PTPN3: variants seen among roughly 807,000 people sequenced by gnomAD.
PTPN3 encodes tyrosine-protein phosphatase non-receptor type 3.
Under a neutral mutation model 132.7 loss-of-function variants are expected in PTPN3, and 96 were observed. The ratio of observed to expected loss-of-function variants is 0.72; its 90% CI spans 0.61 to 0.86. The LOEUF (loss-of-function observed/expected upper bound fraction) is 0.86, where lower values mean the gene tolerates loss of function less well. Ranked by LOEUF, PTPN3 falls within the 40% of genes least tolerant of loss-of-function variation. The pLI, the probability that PTPN3 is intolerant of heterozygous loss-of-function variation, is 0.00. For missense variants in PTPN3, 1,125 were observed against 1,159.6 expected (o/e 0.97, Z 0.43); for synonymous variants, 398 against 429.0 (o/e 0.93, Z 0.89).
intron 1 of PTPN3, among the ~76,000 whole-genome samples, chr9:109,469,766 C>T (rs1285092592): frequency 6.6e-6 from 1 of 152,166 alleles, no homozygotes; most frequent in East Asian, 1.9e-4. Flanking sequence ...TGTAAGTAAC[C>T]TGTATAAATG....
chr9:109,439,266 T>C (rs1173365675), intron 7 of PTPN3, among the ~76,000 whole-genome samples: 1 of 152,040 alleles, frequency 6.6e-6, no homozygotes, highest in Non-Finnish European at 1.5e-5. Flanking sequence ...AGTTTTCCCA[T>C]TTGTCTAAAA....
chr9:109,532,944 GTTTTTTTTTTTTTTTTTT>G, the PTPN3 span: 1 of 306,530 alleles, frequency 3.3e-6, no homozygotes. Flanking sequence ...TCTTTTCTGG[GTTTTTTTTTTTTTTTTTT>G]TTTTTTTTTT....
At chr9:109,501,040 G>A (rs539013592), upstream of PTPN3, among the ~76,000 whole-genome samples, 13 of 151,908 alleles carry the variant, frequency 8.6e-5, no homozygotes, top group African/African-American at 2.4e-4. Flanking sequence ...CATTTTTTTG[G>A]AGTAGTAAGT....
At chr9:109,392,361 T>C (rs970033903) in intron 19 of PTPN3, among the ~76,000 whole-genome samples, 2 of 152,130 alleles carry the variant, frequency 1.3e-5, no homozygotes, top group Non-Finnish European at 2.9e-5. Flanking sequence ...AAAACACAGT[T>C]TTTTCAGTGT....
At chr9:109,497,528 T>C (rs757158248) in intron 1 of PTPN3, among the ~76,000 whole-genome samples, 2 of 152,098 alleles carry the variant, frequency 1.3e-5, no homozygotes, top group African/African-American at 4.8e-5. Flanking sequence ...AGGTGTCAAG[T>C]TGTCTCAACT....
intron 22 of PTPN3, among the ~76,000 whole-genome samples, chr9:109,388,734 G>T (rs1025266369): frequency 5.9e-5 from 9 of 152,252 alleles, no homozygotes; most frequent in Admixed American, 3.9e-4. Flanking sequence ...TGGGCGGTGG[G>T]GGCTCCCTTT....
At chr9:109,389,424 G>T in intron 21 of PTPN3, 45 bp from the exon 22 acceptor site, 1 of 1,567,662 alleles carries the variant, frequency 6.4e-7, no homozygotes, top group South Asian at 1.2e-5. Flanking sequence ...GCTGCCCCAG[G>T]GTGCACAGGG....
chr9:109,452,453 G>A (rs1053457190), intron 5 of PTPN3, among the ~76,000 whole-genome samples: 7 of 151,640 alleles, frequency 4.6e-5, no homozygotes, highest in Admixed American at 3.3e-4. Context: ...CCACACACAC[G>A]TACACATGTA....
chr9:109,423,103 T>C (rs541895471), intron 12 of PTPN3, among the ~76,000 whole-genome samples: 1 of 152,340 alleles, frequency 6.6e-6, no homozygotes, highest in East Asian at 1.9e-4. Flanking sequence ...GTTTCCAGAA[T>C]ATAACCAAAC....
At chr9:109,449,610 G>A (rs72746990) in intron 5 of PTPN3, 259 of 985,416 alleles carry the variant, frequency 2.6e-4, no homozygotes, top group Admixed American at 4.9e-4. Flanking sequence ...GTCAGGAAGC[G>A]CCCTGGGGAG....
intron 1 of PTPN3, among the ~76,000 whole-genome samples, chr9:109,466,815 A>T (rs972697400): frequency 6.6e-6 from 1 of 152,200 alleles, no homozygotes; most frequent in African/African-American, 2.4e-5. Flanking sequence ...GATGTGGCCA[A>T]AGCAGATTGG....
At chr9:109,489,453 C>T (rs1482534322) in intron 1 of PTPN3, among the ~76,000 whole-genome samples, 1 of 152,160 alleles carries the variant, frequency 6.6e-6, no homozygotes, top group Admixed American at 6.5e-5. Context: ...GCTCACCCTG[C>T]ACTGATCTCA....
At chr9:109,388,017 G>C (rs1425633872) in intron 22 of PTPN3, among the ~76,000 whole-genome samples, 1 of 152,222 alleles carries the variant, frequency 6.6e-6, no homozygotes, top group Non-Finnish European at 1.5e-5. Context: ...GCAGACCTGA[G>C]AGTAGCACAG....
chr9:109,425,438 CGGT>C (rs1843177970), intron 12 of PTPN3, among the ~76,000 whole-genome samples: 1 of 152,196 alleles, frequency 6.6e-6, no homozygotes, highest in African/African-American at 2.4e-5. Flanking sequence ...TGGCCTGGCA[CGGT>C]GGCTCATGCC....
intron 2 of PTPN3, among the ~76,000 whole-genome samples, chr9:109,462,046 CA>C (rs1244503723): frequency 6.6e-6 from 1 of 152,168 alleles, no homozygotes; most frequent in African/African-American, 2.4e-5. Flanking sequence ...TTCCCACCTA[CA>C]AAAAAATGAT....
chr9:109,520,585 C>T, the PTPN3 span, among the ~76,000 whole-genome samples: 1 of 152,212 alleles, frequency 6.6e-6, no homozygotes, highest in African/African-American at 2.4e-5. Context: ...GTTCCCTCAT[C>T]TTTCTTTCAG....
the PTPN3 span, among the ~76,000 whole-genome samples, chr9:109,510,213 T>C: frequency 6.6e-6 from 1 of 152,148 alleles, no homozygotes; most frequent in East Asian, 1.9e-4. Context: ...CAAATGCAGA[T>C]AAAGGCTTAT....
intron 16 of PTPN3, among the ~76,000 whole-genome samples, chr9:109,408,881 A>ATATG (rs1554783556): frequency 1.4e-5 from 2 of 145,666 alleles, no homozygotes; most frequent in African/African-American, 5.1e-5. Context: ...ATATATATAT[A>ATATG]GGGGCTTTCA....
the PTPN3 span, among the ~76,000 whole-genome samples, chr9:109,523,274 C>A: frequency 6.6e-6 from 1 of 151,880 alleles, no homozygotes; most frequent in African/African-American, 2.4e-5. Context: ...GCCACCATGC[C>A]CGGCTTATTT....
Sources: gnomAD v4.1 joint callset for allele counts (sites outside exome capture counted in the v4.1 genomes callset) on GRCh38, gnomAD v4.1.1 for gene constraint, MANE v1.5 for transcripts, NCBI Gene and HGNC (gene_info 2026-07-23, HGNC 2026-07-21) for gene names.